SH3PXD2A: variants seen among roughly 807,000 people sequenced by gnomAD.
SH3PXD2A encodes SH3 and PX domains 2A.
SH3PXD2A carries 32 observed loss-of-function variants against 115.2 expected under a neutral mutation model. The observed-to-expected ratio is 0.28, with a 90% CI of 0.21 to 0.37. The LOEUF (loss-of-function observed/expected upper bound fraction) is 0.37, where lower values mean the gene tolerates loss of function less well. SH3PXD2A is among the 10% of genes least tolerant of loss of function. The pLI is 1.00. For missense variants in SH3PXD2A, 1,328 were observed against 1,498.7 expected (o/e 0.89, Z 1.88); for synonymous variants, 610 against 629.1 (o/e 0.97, Z 0.45).
At chr10:103,853,441 T>G (rs1454212049) in intron 1 of SH3PXD2A, among the ~76,000 whole-genome samples, 2 of 152,358 alleles carry the variant, frequency 1.3e-5, no homozygotes, top group South Asian at 4.1e-4. Context: ...TACATACTAT[T>G]ATTATCCTTA....
intron 1 of SH3PXD2A, among the ~76,000 whole-genome samples, chr10:103,848,929 C>G (rs1182038258): frequency 1.3e-5 from 2 of 148,166 alleles, no homozygotes; most frequent in African/African-American, 5.0e-5. Flanking sequence ...AGAGCTAGGT[C>G]CAACTTTCCC....
chr10:103,684,365 CT>C (rs143312364), intron 6 of SH3PXD2A, among the ~76,000 whole-genome samples: 14 of 147,750 alleles, frequency 9.5e-5, no homozygotes, highest in Admixed American at 1.3e-4. Flanking sequence ...TAGACTAACC[CT>C]TTTTTTTTTT....
chr10:103,674,426 T>C (rs974612774), intron 6 of SH3PXD2A, among the ~76,000 whole-genome samples: 8 of 152,222 alleles, frequency 5.3e-5, no homozygotes, highest in Non-Finnish European at 1.0e-4. Flanking sequence ...CAGGTTGTCA[T>C]GCTCAGAGCA....
intron 9 of SH3PXD2A, among the ~76,000 whole-genome samples, chr10:103,626,046 T>C (rs548057466): frequency 2.3e-4 from 35 of 152,348 alleles, no homozygotes; most frequent in African/African-American, 7.5e-4. Context: ...GCCCCAGGGC[T>C]CAGGGAGCAG....
chr10:103,690,868 G>A (rs2037741128), intron 6 of SH3PXD2A, among the ~76,000 whole-genome samples: 1 of 151,894 alleles, frequency 6.6e-6, no homozygotes. Flanking sequence ...CCAGCTGTCT[G>A]GCTTCAGAGC....
chr10:103,674,582 G>A (rs886658534), intron 6 of SH3PXD2A, among the ~76,000 whole-genome samples: 1 of 152,222 alleles, frequency 6.6e-6, no homozygotes, highest in Non-Finnish European at 1.5e-5. Flanking sequence ...AGTGCTTTGG[G>A]AGGCTAAGGC....
chr10:103,731,674 G>A (rs554154366), intron 4 of SH3PXD2A, among the ~76,000 whole-genome samples: 2 of 152,322 alleles, frequency 1.3e-5, no homozygotes, highest in East Asian at 3.9e-4. Context: ...TCCTGGGCCA[G>A]GTCTGCTTTT....
intron 5 of SH3PXD2A, among the ~76,000 whole-genome samples, chr10:103,701,872 CATCT>C (rs1378571717): frequency 1.3e-5 from 2 of 151,398 alleles, no homozygotes; most frequent in Admixed American, 1.3e-4. Flanking sequence ...ACCATCTATC[CATCT>C]ATCATCCATC....
At chr10:103,826,400 T>C (rs1031956281) in intron 1 of SH3PXD2A, among the ~76,000 whole-genome samples, 3 of 152,178 alleles carry the variant, frequency 2.0e-5, no homozygotes, top group African/African-American at 7.2e-5. Context: ...CCAAAACTGT[T>C]CTTTCCACTG....
intron 8 of SH3PXD2A, among the ~76,000 whole-genome samples, chr10:103,655,771 TAAA>T (rs60526548): frequency 2.2e-4 from 10 of 46,210 alleles, no homozygotes; most frequent in Admixed American, 5.6e-4. Context: ...AGACCCTGTC[TAAA>T]AAAAAAAAAA....
rs370081234 is a variant in SH3PXD2A, at chr10:103,603,046, C to T, written c.2172G>A (p.Ser724=). Residue 724 remains serine, a synonymous_variant, in exon 15 of 15, where the codon TCG becomes TCA. Coordinates refer to ENST00000369774, the MANE Select transcript of SH3PXD2A (RefSeq NM_001394015.1). The stretch of plus-strand genomic sequence containing the variant: ...TGGGAGTGCCGCGGATGCCTGCGTC[C>T]GAAGCAGAGCGGGGCTTCAGGTCGC... ...TSGDLKPRSA[S]DAGIRGTPKV... is the part of the protein sequence containing the mutation. The T allele has an allele frequency of 9.3e-6, 15 of 1,613,780 alleles. No individual in the cohort carries two copies. The highest frequency in any genetic ancestry group is 4.0e-5 in the African/African-American group (3 of 74,924).
At chr10:103,802,092 C>T (rs1400795765) in intron 1 of SH3PXD2A, among the ~76,000 whole-genome samples, 1 of 152,208 alleles carries the variant, frequency 6.6e-6, no homozygotes, top group Middle Eastern at 3.2e-3. Context: ...GTGGACCCCG[C>T]TCTCTGAAAT....
rs995683980 is a variant in SH3PXD2A, at chr10:103,641,585, T to C, written c.605-14383A>G. ...AGGAAACCAGCAATGCCTGCTCTAT[T>C]AGTGCCCCAAATGCCTGCTCTATTA... On this transcript the variant is annotated intron_variant, in intron 8 of 14. Coordinates refer to ENST00000369774, the MANE Select transcript of SH3PXD2A (RefSeq NM_001394015.1). Among the ~76,000 whole-genome samples, 37 of 151,744 alleles carry C rather than the reference T, an allele frequency of 2.4e-4. 1 individual carries two copies. Among genetic ancestry groups the C allele is most frequent in the Admixed American group, 2.4e-3 (37 of 15,222 alleles).
chr10:103,615,483 GGTGTGTGTGTGTGT>G (rs57711259), intron 11 of SH3PXD2A, among the ~76,000 whole-genome samples: 14,477 of 128,552 alleles, frequency 0.11, 1,553 homozygotes, highest in African/African-American at 0.27. Flanking sequence ...AGAGTGCGAG[GGTGTGTGTGTGTGT>G]GTGTGTGTGT....
At chr10:103,640,910 C>T (rs2036945782) in intron 8 of SH3PXD2A, among the ~76,000 whole-genome samples, 1 of 151,992 alleles carries the variant, frequency 6.6e-6, no homozygotes, top group African/African-American at 2.4e-5. Context: ...CCCCCAGGGC[C>T]CTGGGGGCTA....
intron 2 of SH3PXD2A, among the ~76,000 whole-genome samples, chr10:103,790,510 C>T (rs564588223): frequency 5.8e-4 from 88 of 152,188 alleles, no homozygotes; most frequent in Non-Finnish European, 1.1e-3. Context: ...GAGCTAGAAG[C>T]GAGAGTACCA....
chr10:103,731,164 TG>T (rs1353036372), intron 4 of SH3PXD2A, among the ~76,000 whole-genome samples: 30 of 150,312 alleles, frequency 2.0e-4, no homozygotes, highest in African/African-American at 5.4e-4. Flanking sequence ...GTCCCGTTTT[TG>T]TTTTTTTTTT....
At chr10:103,779,247 T>C (rs1589451479) in intron 2 of SH3PXD2A, among the ~76,000 whole-genome samples, 1 of 152,314 alleles carries the variant, frequency 6.6e-6, no homozygotes, top group East Asian at 1.9e-4. Context: ...TTTGGTATTT[T>C]AGTAGAGACG....
Position 103,615,483 on chromosome 10 carries a change from GGTGTGTGTGT to G in SH3PXD2A, c.920+1704_920+1713del, listed in dbSNP as rs57711259. On this transcript the variant is annotated intron_variant, in intron 11 of 14. Transcript: ENST00000369774. ...GAAAGGGCGCGATGGAGAGTGCGAGGGTGTGTGTGTGTGTGTGTGTGTGTGTGTGTGTGTG... is the reference window on the plus strand; with the variant it reads ...GAAAGGGCGCGATGGAGAGTGCGAGGGTGTGTGTGTGTGTGTGTGTGTGTG... Among the ~76,000 whole-genome samples the G allele has an allele frequency of 8.0e-3, 1,032 of 128,590 alleles. 12 individuals are homozygous for G. Among genetic ancestry groups the G allele is most frequent in the African/African-American group, 0.022 (764 of 34,108 alleles). The allele number at this position is 128,590 out of a possible 152,430, so 84.4% of individuals were successfully genotyped here.
Sources: allele counts gnomAD v4.1 joint callset (sites outside exome capture counted in the v4.1 genomes callset), GRCh38; gene constraint gnomAD v4.1.1; transcripts MANE v1.5; gene names NCBI Gene and HGNC (gene_info 2026-07-23, HGNC 2026-07-21).